Variants in GDAP2 observed in about 807,000 individuals in gnomAD.
GDAP2 encodes ganglioside induced differentiation associated protein 2.
GDAP2 carries 51 observed loss-of-function variants against 67.0 expected under a neutral mutation model. The observed-to-expected ratio is 0.76, with a 90% CI of 0.61 to 0.96. The LOEUF (loss-of-function observed/expected upper bound fraction) is 0.96, where lower values mean the gene tolerates loss of function less well. Ranked by LOEUF, GDAP2 falls within the 40% of genes least tolerant of loss-of-function variation. The probability of loss-of-function intolerance (pLI) is 0.00; values close to 1 mark genes in which losing one functional copy is unlikely to be tolerated. For synonymous variants in GDAP2, 203 were observed against 207.3 expected (o/e 0.98, Z 0.18); for missense variants, 547 against 588.3 (o/e 0.93, Z 0.73).
chr1:117,924,088 G>A (rs1159068879), intron 1 of GDAP2, among the ~76,000 whole-genome samples: 1 of 152,200 alleles, frequency 6.6e-6, no homozygotes, highest in African/African-American at 2.4e-5. Context: ...CTTTCATCAG[G>A]AGGCACATAA....
At chr1:117,919,242 C>T (rs1650157940) in intron 2 of GDAP2, among the ~76,000 whole-genome samples, 1 of 151,890 alleles carries the variant, frequency 6.6e-6, no homozygotes, top group Admixed American at 6.6e-5. Context: ...GGCATGGTGG[C>T]AGGCACCTGT....
At chr1:117,907,772 C>T (rs1649707515) in intron 5 of GDAP2, among the ~76,000 whole-genome samples, 1 of 152,164 alleles carries the variant, frequency 6.6e-6, no homozygotes, top group African/African-American at 2.4e-5. Context: ...CTTTTTTCCG[C>T]AAGTCTACAT....
Position 117,896,906 on chromosome 1 carries a change from T to G in GDAP2, c.880A>C (p.Ile294Leu), listed in dbSNP as rs148727615. 3.7e-6 allele frequency: 6 copies of G among 1,612,266 alleles called. No homozygotes were observed. The African/African-American group carries it at 8.0e-5, about 22-fold the overall frequency. ...SHAFARMEGD[I>L]DKQRKLILQG... ...AGGATCAGTTTTCTTTGCTTGTCAATATCTCCTTCCATTCGAGCAAAAGCA... is the reference window on the plus strand; with the variant it reads ...AGGATCAGTTTTCTTTGCTTGTCAAGATCTCCTTCCATTCGAGCAAAAGCA... Residue 294 changes from isoleucine (I) to leucine (L), a missense_variant, in exon 8 of 14, where the codon ATT becomes CTT. Coordinates refer to ENST00000369443, the MANE Select transcript of GDAP2 (RefSeq NM_017686.4).
At chr1:117,888,570 T>C (rs150034377) in intron 8 of GDAP2, among the ~76,000 whole-genome samples, 44 of 152,300 alleles carry the variant, frequency 2.9e-4, no homozygotes, top group African/African-American at 1.0e-3. Flanking sequence ...GAAAGGTCAG[T>C]GCTTTTTCTA....
intron 5 of GDAP2, among the ~76,000 whole-genome samples, chr1:117,910,501 T>C (rs1649814714): frequency 6.6e-6 from 1 of 152,172 alleles, no homozygotes; most frequent in African/African-American, 2.4e-5. Context: ...GTTTTTAAAA[T>C]AGGTTATAAT....
At chr1:117,903,891 T>C (rs6691860) in intron 6 of GDAP2, among the ~76,000 whole-genome samples, 1,752 of 152,306 alleles carry the variant, frequency 0.012, 33 homozygotes, top group African/African-American at 0.04. Context: ...ATCATAAGAT[T>C]TACTGTATAA....
intron 6 of GDAP2, among the ~76,000 whole-genome samples, chr1:117,904,509 TCC>T (rs1317371247): frequency 2.0e-5 from 3 of 152,218 alleles, no homozygotes; most frequent in African/African-American, 7.2e-5. Context: ...TTTTTCATTA[TCC>T]CTTTATTCAT....
chr1:117,906,431 T>C (rs931227777), intron 6 of GDAP2, 75 bp downstream of exon 6: 1 of 760,966 alleles, frequency 1.3e-6, no homozygotes, highest in Non-Finnish European at 2.3e-6. Context: ...ACTCAGTAAA[T>C]ATGTAGTGAC....
chr1:117,876,384 G>A (rs1648456628), intron 13 of GDAP2, among the ~76,000 whole-genome samples: 1 of 152,078 alleles, frequency 6.6e-6, no homozygotes. Context: ...AGCAGATGCT[G>A]GTGCCCTGCT....
chr1:117,879,283 T>A (rs947821775), intron 12 of GDAP2, among the ~76,000 whole-genome samples: 1 of 152,164 alleles, frequency 6.6e-6, no homozygotes, highest in Non-Finnish European at 1.5e-5. Context: ...GGTTTCTGGC[T>A]TAGGCACTTG....
At chr1:117,906,809 G>C (rs1649675020) in intron 5 of GDAP2, among the ~76,000 whole-genome samples, 1 of 152,126 alleles carries the variant, frequency 6.6e-6, no homozygotes, top group African/African-American at 2.4e-5. Context: ...AGTTACTTGT[G>C]TATTGTTATC....
At chr1:117,901,584 T>C (rs868331144) in intron 6 of GDAP2, among the ~76,000 whole-genome samples, 8 of 152,262 alleles carry the variant, frequency 5.3e-5, no homozygotes, top group Admixed American at 1.3e-4. Flanking sequence ...GTGGTATCCA[T>C]AGTGGTTTTG....
chr1:117,915,668 T>C (rs572000255), intron 3 of GDAP2, among the ~76,000 whole-genome samples: 3 of 152,218 alleles, frequency 2.0e-5, no homozygotes, highest in Non-Finnish European at 4.4e-5. Context: ...CACACCCACA[T>C]ACAGGTTCAT....
chr1:117,874,566 T>A (rs1648392163), intron 13 of GDAP2, among the ~76,000 whole-genome samples: 4 of 152,098 alleles, frequency 2.6e-5, no homozygotes, highest in Admixed American at 2.6e-4. Context: ...TAAAAATGGA[T>A]GAAGGCAGAA....
In GDAP2 at chr1:117,887,669, A is replaced by G. The variant is rs1183657910; in HGVS notation, c.1030+29T>C. On this transcript the variant is annotated intron_variant, in intron 9 of 13. Coordinates refer to ENST00000369443, the MANE Select transcript of GDAP2 (RefSeq NM_017686.4). ...CTTGGTAGGGCTCTTAATTAGTGAAAGAATAAGTTACCATATATTTAAGCT... is the reference window on the plus strand; with the variant it reads ...CTTGGTAGGGCTCTTAATTAGTGAAGGAATAAGTTACCATATATTTAAGCT... 2.8e-6 allele frequency: 3 copies of G among 1,083,078 alleles called. No individual in the cohort carries two copies. In the African/African-American group the frequency reaches 4.6e-5, roughly 17 times the overall value. 67.1% of individuals were successfully genotyped at this position (1,083,078 alleles called of 1,614,324 possible).
At position 117,868,930 on chromosome 1, in the gene GDAP2, A is replaced by C. The variant is rs1648164958; in HGVS notation, c.*1639T>G. The C allele has an allele frequency of 6.6e-6, 1 of 152,182 alleles. No individual in the cohort carries two copies. The highest frequency in any genetic ancestry group is 1.5e-5 in the Non-Finnish European group (1 of 68,034). 9.4% of individuals were successfully genotyped at this position (152,182 alleles called of 1,614,324 possible). A position where few individuals can be genotyped will look rare whatever the true frequency, so the allele number is the denominator to read the frequency against. On this transcript the variant is annotated 3_prime_UTR_variant, in exon 14 of 14. Transcript: ENST00000369443. ...ATGCAAAAGATAAGAACCTTTATCT[A>C]AAAAATGTAAAGTCTCTTCTTGTTT...
chr1:117,896,783 C>A (rs772151276), intron 8 of GDAP2, 50 bp downstream of exon 8: 9 of 1,349,322 alleles, frequency 6.7e-6, no homozygotes, highest in African/African-American at 1.5e-5. Flanking sequence ...AGGTTCCTTT[C>A]TTGCTTCTGA....
intron 7 of GDAP2, 111 bp downstream of exon 7, chr1:117,898,946 G>T: frequency 1.3e-6 from 1 of 752,670 alleles, no homozygotes; most frequent in South Asian, 1.6e-5. Flanking sequence ...TAGTAGTCAT[G>T]GTAATAGAGA....
chr1:117,890,970 A>G (rs1453649741), intron 8 of GDAP2, among the ~76,000 whole-genome samples: 1 of 151,942 alleles, frequency 6.6e-6, no homozygotes, highest in African/African-American at 2.4e-5. Flanking sequence ...GAGTGCCAAC[A>G]TAACAATTAA....
Sources: allele counts gnomAD v4.1 joint callset (sites outside exome capture counted in the v4.1 genomes callset), GRCh38; gene constraint gnomAD v4.1.1; transcripts MANE v1.5; gene names NCBI Gene and HGNC (gene_info 2026-07-23, HGNC 2026-07-21).